PCDH15: variants seen among roughly 807,000 people sequenced by gnomAD.
PCDH15 encodes protocadherin related 15.
A neutral mutation model predicts 178.5 loss-of-function variants in PCDH15; 129 were observed. The ratio of observed to expected loss-of-function variants is 0.72; its 90% CI spans 0.63 to 0.84. The LOEUF is 0.84. Among genes scored for constraint, PCDH15 ranks in the 40% least tolerant of loss-of-function variants. PCDH15 has a pLI of 0.00. For missense variants in PCDH15, 2,230 were observed against 2,099.9 expected (o/e 1.06, Z -1.21); for synonymous variants, 800 against 732.0 (o/e 1.09, Z -1.50).
At chr10:54,349,069 C>G (rs568327789) in intron 5 of PCDH15, among the ~76,000 whole-genome samples, 2 of 152,022 alleles carry the variant, frequency 1.3e-5, no homozygotes, top group Non-Finnish European at 2.9e-5. Context: ...CCAAAAAATA[C>G]TATGTCATGG....
intron 14 of PCDH15, among the ~76,000 whole-genome samples, chr10:54,149,018 A>T (rs1379830541): frequency 6.6e-6 from 1 of 152,018 alleles, no homozygotes; most frequent in Admixed American, 6.6e-5. Flanking sequence ...CCCCACCTTG[A>T]ATCAGTTTAT....
intron 2 of PCDH15, among the ~76,000 whole-genome samples, chr10:54,612,585 G>C (rs1363523463): frequency 6.6e-6 from 1 of 151,424 alleles, no homozygotes; most frequent in Non-Finnish European, 1.5e-5. Context: ...TAATCTAAAA[G>C]TTTGAAAAAC....
intron 17 of PCDH15, among the ~76,000 whole-genome samples, chr10:54,073,886 C>T (rs2094292861): frequency 6.6e-6 from 1 of 152,160 alleles, no homozygotes. Flanking sequence ...AATCCATAAG[C>T]CCTACTTCCT....
intron 6 of PCDH15, among the ~76,000 whole-genome samples, chr10:54,337,337 G>T (rs1382585361): frequency 6.6e-6 from 1 of 151,962 alleles, no homozygotes; most frequent in Non-Finnish European, 1.5e-5. Context: ...TTTGGGAGGT[G>T]CCAGGTGTAG....
At chr10:53,962,070 T>C (rs2088401279) in intron 21 of PCDH15, among the ~76,000 whole-genome samples, 178 bp from the exon 22 acceptor site, 1 of 83,324 alleles carries the variant, frequency 1.2e-5, no homozygotes, top group Admixed American at 1.8e-4. Flanking sequence ...GATAACTCAA[T>C]CTGAATCAAT....
At chr10:54,226,237 T>A (rs1383187154) in intron 9 of PCDH15, among the ~76,000 whole-genome samples, 6 of 152,142 alleles carry the variant, frequency 3.9e-5, no homozygotes, top group Admixed American at 6.5e-5. Context: ...ACTTCTTACA[T>A]GGATGGCAGC....
At position 55,279,529 on chromosome 10, in the gene PCDH15, A is replaced by G. The variant is rs563877230; in HGVS notation, c.-156+40070T>C. ...CGACCGGCATACCTACACAGGGTCCACACTTAGAAGAGCCTCATGCTTAGT... is the reference window on the plus strand; with the variant it reads ...CGACCGGCATACCTACACAGGGTCCGCACTTAGAAGAGCCTCATGCTTAGT... On this transcript the variant is annotated intron_variant, in intron 1 of 5. Coordinates refer to the PCDH15 transcript ENST00000458638. Among the ~76,000 whole-genome samples the G allele has an allele frequency of 7.6e-4, 115 of 152,284 alleles. 1 individual carries two copies. Among genetic ancestry groups the G allele is most frequent in the African/African-American group, 2.7e-3 (112 of 41,568 alleles).
chr10:54,229,733 A>C (rs1223433590), intron 9 of PCDH15, among the ~76,000 whole-genome samples: 1 of 152,204 alleles, frequency 6.6e-6, no homozygotes, highest in African/African-American at 2.4e-5. Flanking sequence ...GAACATGTGG[A>C]ACTGTAAATC....
rs867125154 is a variant in PCDH15 at position 54,198,498 on chromosome 10, T to A, written c.1099-2609A>T. On this transcript the variant is annotated intron_variant, in intron 10 of 37. Transcript: ENST00000644397. ...CTTTCTTTAATATCTAATTATTCTT[T>A]TTTTTTTTTTTTTTTTTTTTTGAGA... 6.3e-4 allele frequency among the ~76,000 whole-genome samples: 10 copies of A among 16,000 alleles called. 2 individuals are homozygous for A. In the African/African-American group the frequency reaches 9.3e-3, roughly 15 times the overall value. 10.5% of individuals were successfully genotyped at this position (16,000 alleles called of 152,430 possible).
intron 8 of PCDH15, among the ~76,000 whole-genome samples, chr10:54,252,776 A>T (rs200121864): frequency 0.069 from 10,214 of 148,780 alleles, 661 homozygotes; most frequent in African/African-American, 0.16. Flanking sequence ...TTTTCTCAGG[A>T]TTTTTTTTTT....
intron 16 of PCDH15, among the ~76,000 whole-genome samples, chr10:54,079,993 T>C (rs2094410723): frequency 1.3e-5 from 2 of 152,142 alleles, no homozygotes; most frequent in Non-Finnish European, 2.9e-5. Context: ...ATTATGTTTT[T>C]TGTAATGTTT....
intron 2 of PCDH15, among the ~76,000 whole-genome samples, chr10:55,125,211 T>C (rs984048837): frequency 1.4e-5 from 2 of 145,720 alleles, no homozygotes; most frequent in Non-Finnish European, 3.0e-5. Context: ...AACAAAAATC[T>C]GTGTTAGGCA....
chr10:54,093,590 A>G (rs1590375022), intron 15 of PCDH15, among the ~76,000 whole-genome samples: 1 of 152,176 alleles, frequency 6.6e-6, no homozygotes, highest in Non-Finnish European at 1.5e-5. Context: ...TGCCCTAAAC[A>G]TATTTCTATC....
intron 24 of PCDH15, among the ~76,000 whole-genome samples, chr10:53,940,363 T>C (rs1190543933): frequency 6.6e-6 from 1 of 152,186 alleles, no homozygotes; most frequent in Non-Finnish European, 1.5e-5. Flanking sequence ...AATTTGACTA[T>C]TTTGGGAATC....
At chr10:54,796,651 A>G (rs1218267321) in intron 1 of PCDH15, among the ~76,000 whole-genome samples, 1 of 150,216 alleles carries the variant, frequency 6.7e-6, no homozygotes. Flanking sequence ...TCTTTTTCTT[A>G]TATTTGACTG....
At chr10:54,710,709 A>G (rs2095420017) in intron 1 of PCDH15, among the ~76,000 whole-genome samples, 1 of 152,028 alleles carries the variant, frequency 6.6e-6, no homozygotes, top group South Asian at 2.1e-4. Context: ...AAAATGAGGA[A>G]TTAATTTATT....
intron 2 of PCDH15, among the ~76,000 whole-genome samples, chr10:55,368,095 A>T (rs1845411198): frequency 1.3e-5 from 2 of 152,124 alleles, no homozygotes; most frequent in Non-Finnish European, 2.9e-5. Flanking sequence ...TATTAAGTAT[A>T]GTGCAAAAAT....
At chr10:54,996,102 G>A (rs10763162) in intron 2 of PCDH15, among the ~76,000 whole-genome samples, 108,749 of 151,978 alleles carry the variant, frequency 0.72, 39,153 homozygotes, top group East Asian at 0.86. Context: ...TGGTTTCCTG[G>A]CCAGGAACAC....
rs942388592 is a variant in PCDH15, at chr10:54,353,396, A to T, written c.475-6912T>A. Reference sequence around the variant, plus strand: ...ACATTAACTTATGAAGGTACAATTTATATTAAACAAAATGCAGAGATCTTA... The same window carrying T: ...ACATTAACTTATGAAGGTACAATTTTTATTAAACAAAATGCAGAGATCTTA... On this transcript the variant is annotated intron_variant, in intron 5 of 37. Transcript: ENST00000644397. 3.1e-4 allele frequency among the ~76,000 whole-genome samples: 47 copies of T among 152,170 alleles called. 3 individuals are homozygous for T. The highest frequency in any genetic ancestry group is 2.4e-5 in the African/African-American group (1 of 41,452).
Sources: gnomAD v4.1 joint callset for allele counts (sites outside exome capture counted in the v4.1 genomes callset) on GRCh38, gnomAD v4.1.1 for gene constraint, MANE v1.5 for transcripts, NCBI Gene and HGNC (gene_info 2026-07-23, HGNC 2026-07-21) for gene names.